STARD13: variants seen among roughly 807,000 people sequenced by gnomAD.
STARD13 encodes the protein stAR-related lipid transfer protein 13.
STARD13 carries 62 observed loss-of-function variants against 106.4 expected under a neutral mutation model. The observed-to-expected ratio is 0.58, with a 90% CI of 0.48 to 0.72. The LOEUF (loss-of-function observed/expected upper bound fraction) is 0.72, where lower values mean the gene tolerates loss of function less well. Ranked by LOEUF, STARD13 falls within the 30% of genes least tolerant of loss-of-function variation. The pLI, the probability that STARD13 is intolerant of heterozygous loss-of-function variation, is 0.00. For synonymous variants in STARD13, 565 were observed against 553.0 expected (o/e 1.02, Z -0.31); for missense variants, 1,387 against 1,424.0 (o/e 0.97, Z 0.42).
the STARD13 span, among the ~76,000 whole-genome samples, chr13:33,616,070 T>C: frequency 1.3e-5 from 2 of 151,646 alleles, no homozygotes; most frequent in African/African-American, 2.4e-5. Context: ...AGGCAAAGCA[T>C]ATTAAAGACA....
At chr13:33,430,558 C>A in the STARD13 span, among the ~76,000 whole-genome samples, 3 of 152,140 alleles carry the variant, frequency 2.0e-5, no homozygotes, top group African/African-American at 7.2e-5. Context: ...TATGATCCAC[C>A]AATTCTACCA....
intron 6 of STARD13, among the ~76,000 whole-genome samples, chr13:33,126,585 A>AC (rs1215379284): frequency 6.6e-6 from 1 of 152,238 alleles, no homozygotes; most frequent in African/African-American, 2.4e-5. Context: ...ATTAAAAATT[A>AC]CAAGAGGAAG....
At chr13:33,562,329 A>G in the STARD13 span, among the ~76,000 whole-genome samples, 2 of 146,536 alleles carry the variant, frequency 1.4e-5, no homozygotes, top group African/African-American at 5.1e-5. Flanking sequence ...CTGGCTGCCT[A>G]CATCTTTTTA....
chr13:33,195,252 T>C (rs1375591909), intron 1 of STARD13, among the ~76,000 whole-genome samples: 1 of 152,238 alleles, frequency 6.6e-6, no homozygotes, highest in African/African-American at 2.4e-5. Context: ...GCAATATATA[T>C]TCCCCCACAG....
At chr13:33,609,860 G>A in the STARD13 span, among the ~76,000 whole-genome samples, 12 of 152,252 alleles carry the variant, frequency 7.9e-5, no homozygotes, top group Admixed American at 6.5e-4. Context: ...GAGCCACTGC[G>A]CCCGGCCTCT....
the STARD13 span, chr13:33,439,721 G>T: frequency 6.1e-4 from 763 of 1,256,888 alleles, no homozygotes; most frequent in Non-Finnish European, 7.4e-4. Context: ...TTATCAGAGA[G>T]CACCTGTAAA....
chr13:33,626,534 A>C, the STARD13 span, among the ~76,000 whole-genome samples: 1 of 152,242 alleles, frequency 6.6e-6, no homozygotes, highest in Non-Finnish European at 1.5e-5. Context: ...AAAAATGAGC[A>C]AAATAAAGAA....
At chr13:33,135,283 A>C (rs758694488) in intron 4 of STARD13, among the ~76,000 whole-genome samples, 9 of 152,378 alleles carry the variant, frequency 5.9e-5, no homozygotes, top group Middle Eastern at 3.4e-3. Flanking sequence ...GAGAGTAAGA[A>C]GTAAAACCAT....
At chr13:33,527,177 C>T in the STARD13 span, among the ~76,000 whole-genome samples, 4 of 151,978 alleles carry the variant, frequency 2.6e-5, no homozygotes, top group Non-Finnish European at 5.9e-5. Context: ...AGTTTTCCAT[C>T]AAACTTCATT....
At chr13:33,564,731 C>T in the STARD13 span, among the ~76,000 whole-genome samples, 10 of 146,308 alleles carry the variant, frequency 6.8e-5, 3 homozygotes, top group Admixed American at 7.0e-4. Context: ...CGGTGGCTCA[C>T]GCCTGTAATC....
At chr13:33,237,348 A>G (rs758481557) in intron 1 of STARD13, among the ~76,000 whole-genome samples, 1 of 152,196 alleles carries the variant, frequency 6.6e-6, no homozygotes, top group Non-Finnish European at 1.5e-5. Flanking sequence ...AAATTCATAA[A>G]ACATCTATAA....
the STARD13 span, among the ~76,000 whole-genome samples, chr13:33,627,973 T>TC: frequency 0.011 from 1,601 of 151,578 alleles, 35 homozygotes; most frequent in African/African-American, 0.037. Flanking sequence ...TTCTTTCTTT[T>TC]TTTTTTTTTT....
In STARD13 at chr13:33,129,869, C is replaced by T; in HGVS notation, c.808G>A (p.Gly270Arg). The stretch of plus-strand genomic sequence containing the variant: ...GACCCCTTATGCCTCCCGTGGGCTC[C>T]CTTCCCTCGGAGTGTTTCCATGCGT... ...LKRMETLRGKGAHGRHKGSGR... is the reference protein window; with the variant it reads ...LKRMETLRGKRAHGRHKGSGR... The change falls in exon 5 of 14, where the codon GGA (glycine) becomes AGA (arginine). Residue 270 changes from glycine (G) to arginine (R), a missense_variant. Transcript: ENST00000336934. 6.2e-7 allele frequency: 1 copy of T among 1,613,038 alleles called. No homozygotes were observed. Among genetic ancestry groups the T allele is most frequent in the African/African-American group, 1.3e-5 (1 of 75,056 alleles).
chr13:33,581,264 CT>C, the STARD13 span, among the ~76,000 whole-genome samples: 5 of 152,230 alleles, frequency 3.3e-5, no homozygotes, highest in Admixed American at 1.3e-4. Context: ...TCACCCAAGA[CT>C]TTTCCCACCA....
chr13:33,223,190 G>C (rs1888446329), intron 1 of STARD13, among the ~76,000 whole-genome samples: 1 of 152,172 alleles, frequency 6.6e-6, no homozygotes, highest in Non-Finnish European at 1.5e-5. Flanking sequence ...AGATGTTAAT[G>C]AGTTATCTGA....
At chr13:33,360,436 C>G in the STARD13 span, among the ~76,000 whole-genome samples, 3 of 151,704 alleles carry the variant, frequency 2.0e-5, no homozygotes, top group African/African-American at 7.3e-5. Flanking sequence ...TATCTCCTGA[C>G]CTTGTGATCC....
chr13:33,360,830 C>G, the STARD13 span, among the ~76,000 whole-genome samples: 88 of 135,468 alleles, frequency 6.5e-4, 1 homozygote, highest in African/African-American at 2.2e-3. Context: ...GAGTCTTGCT[C>G]TGTCACCCAG....
the STARD13 span, among the ~76,000 whole-genome samples, chr13:33,532,375 A>T: frequency 1.3e-5 from 2 of 152,208 alleles, no homozygotes; most frequent in Admixed American, 1.3e-4. Flanking sequence ...TTAAAAAATT[A>T]AAACCCAGTA....
At chr13:33,348,888 G>A in exon 2 of STARD13, 1 of 461,814 alleles carries the variant, frequency 2.2e-6, no homozygotes, top group East Asian at 3.7e-5. Flanking sequence ...AACATTGTAT[G>A]CTTACAACAT....
Sources: allele counts gnomAD v4.1 joint callset (sites outside exome capture counted in the v4.1 genomes callset), GRCh38; gene constraint gnomAD v4.1.1; transcripts MANE v1.5; gene names NCBI Gene and HGNC (gene_info 2026-07-23, HGNC 2026-07-21).